ASIC2: variants seen among roughly 807,000 people sequenced by gnomAD.
ASIC2 encodes acid sensing ion channel subunit 2, also known as acid-sensing ion channel 2.
A neutral mutation model predicts 57.3 loss-of-function variants in ASIC2; 25 were observed. That is an observed-to-expected ratio of 0.44 (90% CI 0.32 to 0.61). ASIC2 has a LOEUF of 0.61. Ranked by LOEUF, ASIC2 falls within the 20% of genes least tolerant of loss-of-function variation. ASIC2 has a pLI of 0.06. For missense variants in ASIC2, 641 were observed against 738.1 expected, an observed-to-expected ratio of 0.87 and a Z score of 1.52; for synonymous variants, 319 against 307.5, an observed-to-expected ratio of 1.04 and a Z score of -0.39.
At chr17:33,923,816 G>T (rs1032908048) in intron 1 of ASIC2, among the ~76,000 whole-genome samples, 1 of 152,108 alleles carries the variant, frequency 6.6e-6, no homozygotes, top group Non-Finnish European at 1.5e-5. Flanking sequence ...GGGAGGAGGG[G>T]CGTCCTGAGT....
chr17:33,739,273 G>A (rs887275787), intron 1 of ASIC2, among the ~76,000 whole-genome samples: 1 of 152,098 alleles, frequency 6.6e-6, no homozygotes, highest in East Asian at 1.9e-4. Flanking sequence ...GTGATCCATG[G>A]GTCAAACCAA....
intron 1 of ASIC2, among the ~76,000 whole-genome samples, chr17:33,647,450 G>A (rs769223972): frequency 2.0e-5 from 3 of 152,120 alleles, no homozygotes; most frequent in African/African-American, 4.8e-5. Flanking sequence ...ACCCCAAGAC[G>A]CAGGAGAGAA....
At chr17:33,388,171 G>A (rs955075668) in intron 1 of ASIC2, among the ~76,000 whole-genome samples, 1 of 152,208 alleles carries the variant, frequency 6.6e-6, no homozygotes, top group Non-Finnish European at 1.5e-5. Flanking sequence ...GAGGCAGATT[G>A]AAGTGATGTG....
intron 1 of ASIC2, among the ~76,000 whole-genome samples, chr17:34,083,426 T>TG (rs1909974988): frequency 6.6e-6 from 1 of 151,888 alleles, no homozygotes; most frequent in African/African-American, 2.4e-5. Context: ...CTATCATTGT[T>TG]GGACATTTGG....
At chr17:33,998,361 T>A (rs1221541284) in intron 1 of ASIC2, among the ~76,000 whole-genome samples, 1 of 152,190 alleles carries the variant, frequency 6.6e-6, no homozygotes, top group Non-Finnish European at 1.5e-5. Flanking sequence ...GTTTTGCTCA[T>A]TTGCTTTATT....
intron 1 of ASIC2, among the ~76,000 whole-genome samples, chr17:34,155,187 G>T (rs192069707): frequency 4.6e-4 from 70 of 152,142 alleles, no homozygotes; most frequent in Non-Finnish European, 7.9e-4. Context: ...GAGCCTTTGA[G>T]TTTCAAGCCA....
intron 1 of ASIC2, among the ~76,000 whole-genome samples, chr17:33,347,413 C>G (rs1174827908): frequency 6.6e-6 from 1 of 152,054 alleles, no homozygotes; most frequent in African/African-American, 2.4e-5. Flanking sequence ...AAAGAATAGG[C>G]AAGTGAACCT....
At chr17:33,283,154 C>T (rs1328218989) in intron 1 of ASIC2, among the ~76,000 whole-genome samples, 1 of 152,224 alleles carries the variant, frequency 6.6e-6, no homozygotes, top group Non-Finnish European at 1.5e-5. Flanking sequence ...CTTGGGTTCA[C>T]TGGGGAGCCC....
chr17:33,434,639 C>T (rs976767724), intron 1 of ASIC2, among the ~76,000 whole-genome samples: 1 of 152,152 alleles, frequency 6.6e-6, no homozygotes, highest in Non-Finnish European at 1.5e-5. Context: ...ACATAGGTAA[C>T]TCATCGATAT....
At chr17:33,887,735 A>C (rs1451375053) in intron 1 of ASIC2, among the ~76,000 whole-genome samples, 1 of 152,182 alleles carries the variant, frequency 6.6e-6, no homozygotes, top group Non-Finnish European at 1.5e-5. Context: ...GATCACCTGT[A>C]GGCTCAGACC....
At chr17:33,699,717 G>A (rs1050411460) in intron 1 of ASIC2, among the ~76,000 whole-genome samples, 1 of 152,130 alleles carries the variant, frequency 6.6e-6, no homozygotes, top group Non-Finnish European at 1.5e-5. Flanking sequence ...TAAAGAAGGG[G>A]GTTGTTGGTT....
chr17:33,326,554 T>C (rs1354338634), intron 1 of ASIC2, among the ~76,000 whole-genome samples: 2 of 152,222 alleles, frequency 1.3e-5, no homozygotes, highest in Non-Finnish European at 2.9e-5. Context: ...CCTTAGTACC[T>C]GACACAAGCA....
At chr17:33,965,032 A>G (rs752072354) in intron 1 of ASIC2, among the ~76,000 whole-genome samples, 4 of 152,188 alleles carry the variant, frequency 2.6e-5, no homozygotes, top group Non-Finnish European at 4.4e-5. Context: ...GAGCCTCTGA[A>G]TCCCACTTTC....
At chr17:33,895,220 A>G (rs1488112366) in intron 1 of ASIC2, among the ~76,000 whole-genome samples, 1 of 150,042 alleles carries the variant, frequency 6.7e-6, no homozygotes, top group Admixed American at 6.7e-5. Context: ...TGGGGTGCAG[A>G]GGCACAATCT....
intron 1 of ASIC2, among the ~76,000 whole-genome samples, chr17:33,443,763 A>G (rs1399807063): frequency 6.6e-6 from 1 of 152,070 alleles, no homozygotes; most frequent in Admixed American, 6.6e-5. Context: ...CTTGTTAGAG[A>G]GAGGCCTATT....
In ASIC2 at chr17:33,033,622, G is replaced by A. The variant is rs561934710; in HGVS notation, c.988-5230C>T. Among the ~76,000 whole-genome samples the A allele has an allele frequency of 4.6e-5, 7 of 152,348 alleles. No individual in the cohort carries two copies. The South Asian group carries it at 1.4e-3, about 32-fold the overall frequency. ...TGCCTGGCCTCTCTATGCTCTTGGAGCCTCCTCTGAACTTGGAGCAGGGTT... is the reference window on the plus strand; with the variant it reads ...TGCCTGGCCTCTCTATGCTCTTGGAACCTCCTCTGAACTTGGAGCAGGGTT... On this transcript the variant is annotated intron_variant, in intron 3 of 9. Transcript: ENST00000225823.
intron 1 of ASIC2, among the ~76,000 whole-genome samples, chr17:33,474,356 G>T (rs1242599561): frequency 6.6e-6 from 1 of 152,048 alleles, no homozygotes; most frequent in African/African-American, 2.4e-5. Context: ...CACAGAGCAC[G>T]ACTCCTTGCA....
At chr17:33,153,116 G>A (rs1405562851) in intron 1 of ASIC2, among the ~76,000 whole-genome samples, 1 of 152,164 alleles carries the variant, frequency 6.6e-6, no homozygotes, top group Non-Finnish European at 1.5e-5. Flanking sequence ...CACTCAGATG[G>A]GATGGTCATC....
chr17:33,335,984 C>G (rs1273537465), intron 1 of ASIC2, among the ~76,000 whole-genome samples: 1 of 152,120 alleles, frequency 6.6e-6, no homozygotes, highest in African/African-American at 2.4e-5. Flanking sequence ...CTTGATTTCT[C>G]TCACCCTCCC....
Sources: allele counts gnomAD v4.1 joint callset (sites outside exome capture counted in the v4.1 genomes callset), GRCh38; gene constraint gnomAD v4.1.1; transcripts MANE v1.5; gene names NCBI Gene and HGNC (gene_info 2026-07-23, HGNC 2026-07-21).